Variants in DHRS4L2 observed in about 807,000 individuals in gnomAD.
DHRS4L2 encodes the protein dehydrogenase/reductase 4 like 2, also known as dehydrogenase/reductase SDR family member 4-like 2.
DHRS4L2 carries 22 observed loss-of-function variants against 23.9 expected under a neutral mutation model. The observed-to-expected ratio is 0.92, with a 90% CI of 0.66 to 1.31. The LOEUF (loss-of-function observed/expected upper bound fraction) is 1.31. DHRS4L2 is among the 40% of genes most tolerant of loss of function. DHRS4L2 has a pLI of 0.00. For synonymous variants in DHRS4L2, 141 were observed against 123.7 expected, an observed-to-expected ratio of 1.14 and a Z score of -0.93; for missense variants, 385 against 303.3, an observed-to-expected ratio of 1.27 and a Z score of -2.00.
chr14:23,986,507 TAA>T (rs33932387), upstream of DHRS4L2, among the ~76,000 whole-genome samples: 17 of 133,718 alleles, frequency 1.3e-4, 1 homozygote, highest in Admixed American at 2.2e-4. Context: ...TAAAGTATAA[TAA>T]AAAAAAAAAA....
rs566225364 is a variant in DHRS4L2 at position 23,995,915 on chromosome 14, C to T, written c.408+782C>T. Among the ~76,000 whole-genome samples the T allele has an allele frequency of 1.4e-3, 205 of 151,594 alleles. 1 individual carries two copies. Among genetic ancestry groups the T allele is most frequent in the Non-Finnish European group, 2.2e-3 (148 of 67,792 alleles). On this transcript the variant is annotated intron_variant, in intron 3 of 7. Coordinates refer to ENST00000335125, the MANE Select transcript of DHRS4L2 (RefSeq NM_198083.4). ...TGTTTTGCATTGCTATAAAGGAATA[C>T]CTGAGCTGGGCAATTTATAAAGAAA... is the stretch of plus-strand genomic sequence containing the variant.
intron 1 of DHRS4L2, 64 bp downstream of exon 1, chr14:23,989,139 C>T: frequency 6.5e-7 from 1 of 1,538,890 alleles, no homozygotes; most frequent in East Asian, 2.4e-5. Context: ...GGTGTCTCGT[C>T]CTTTGCCTCC....
intron 1 of DHRS4L2, among the ~76,000 whole-genome samples, chr14:23,973,665 T>C (rs1476256331): frequency 6.6e-6 from 1 of 151,830 alleles, no homozygotes; most frequent in Non-Finnish European, 1.5e-5. Flanking sequence ...GGCCATCACA[T>C]AATGGTAAGG....
intron 2 of DHRS4L2, among the ~76,000 whole-genome samples, chr14:23,991,565 G>C (rs1305772929): frequency 1.3e-5 from 2 of 151,672 alleles, no homozygotes; most frequent in Non-Finnish European, 2.9e-5. Flanking sequence ...GATGGGAATG[G>C]ACAGATGGAA....
At chr14:23,997,731 C>G (rs2034409535) in intron 3 of DHRS4L2, among the ~76,000 whole-genome samples, 1 of 150,984 alleles carries the variant, frequency 6.6e-6, no homozygotes, top group South Asian at 2.1e-4. Flanking sequence ...TTGCTATTTC[C>G]ACCACATCTG....
chr14:23,999,430 TA>T (rs1469135219), intron 3 of DHRS4L2, among the ~76,000 whole-genome samples: 1 of 150,490 alleles, frequency 6.6e-6, no homozygotes, highest in Non-Finnish European at 1.5e-5. Flanking sequence ...TTAATTTGTA[TA>T]TTTTTTAAAC....
At chr14:23,984,198 A>G (rs2034101050), upstream of DHRS4L2, among the ~76,000 whole-genome samples, 1 of 151,662 alleles carries the variant, frequency 6.6e-6, no homozygotes, top group Admixed American at 6.6e-5. Context: ...TTCTGGAAAG[A>G]TACACAAAGC....
At chr14:23,990,118 G>A (rs1430900487) in intron 1 of DHRS4L2, 64 bp from the exon 2 acceptor site, 5 of 1,597,000 alleles carry the variant, frequency 3.1e-6, no homozygotes, top group Non-Finnish European at 4.3e-6. Flanking sequence ...TAACTTCAGA[G>A]CCCATGCTGT....
At chr14:23,974,812 C>T (rs754400266) in intron 1 of DHRS4L2, among the ~76,000 whole-genome samples, 3 of 151,772 alleles carry the variant, frequency 2.0e-5, no homozygotes, top group Non-Finnish European at 4.4e-5. Flanking sequence ...CCGAATTCTA[C>T]CAGAGGTACA....
At chr14:23,987,056 A>C (rs765323796), upstream of DHRS4L2, among the ~76,000 whole-genome samples, 3 of 151,616 alleles carry the variant, frequency 2.0e-5, no homozygotes, top group Admixed American at 1.3e-4. Context: ...TGGCTGAGGA[A>C]AACACTAGAA....
chr14:23,970,211 C>A (rs1172503138), exon 1 of DHRS4L2: 1 of 454,524 alleles, frequency 2.2e-6, no homozygotes, highest in Non-Finnish European at 4.4e-6. Context: ...TCCGGCCCTG[C>A]ACCCCGGCCC....
chr14:23,997,106 T>A (rs997046853), intron 3 of DHRS4L2, among the ~76,000 whole-genome samples: 1 of 147,290 alleles, frequency 6.8e-6, no homozygotes, highest in Non-Finnish European at 1.5e-5. Flanking sequence ...TCACATGAAT[T>A]TTTTGGTTTC....
rs191649098 is a variant in DHRS4L2 at position 23,977,783 on chromosome 14, C to A, written c.-176+7451C>A. Among the ~76,000 whole-genome samples, 5 of 151,562 alleles carry A rather than the reference C, an allele frequency of 3.3e-5. No individual in the cohort carries two copies. In the East Asian group the frequency reaches 9.7e-4, roughly 29 times the overall value. The stretch of plus-strand genomic sequence containing the variant: ...ATGACCCTTGTTGTATATTAATTTC[C>A]CATTGTTGTCCTGCTTTGCTTAGAC... On this transcript the variant is annotated intron_variant, in intron 1 of 5. Coordinates refer to the DHRS4L2 transcript ENST00000534993.
intron 1 of DHRS4L2, among the ~76,000 whole-genome samples, chr14:23,970,860 C>T (rs996473369): frequency 1.3e-5 from 2 of 152,004 alleles, no homozygotes; most frequent in Non-Finnish European, 2.9e-5. Flanking sequence ...TTCCAGCAAA[C>T]CCCCAAAGAC....
At position 23,969,932 on chromosome 14, in the gene DHRS4L2, G is replaced by C. The variant is rs540289470; in HGVS notation, c.-576G>C. 2.4e-3 allele frequency: 1,069 copies of C among 450,678 alleles called. 1 individual carries two copies. The highest frequency in any genetic ancestry group is 0.014 in the South Asian group (889 of 64,114). The allele number at this position is 450,678 out of a possible 1,614,324, so 27.9% of individuals were successfully genotyped here. The stretch of plus-strand genomic sequence containing the variant: ...GGAGCCCGCGCTCCAAGGCCCGGTG[G>C]GGGGAGGGGCGCTCACGCAACCGCC... On this transcript the variant is annotated 5_prime_UTR_variant, in exon 1 of 6. Coordinates refer to the DHRS4L2 transcript ENST00000534993.
chr14:23,983,517 A>C (rs571457609), intron 1 of DHRS4L2, among the ~76,000 whole-genome samples: 2 of 151,712 alleles, frequency 1.3e-5, no homozygotes, highest in Non-Finnish European at 2.9e-5. Context: ...TTGACCCAGC[A>C]ATCCCATTAC....
At chr14:23,987,293 G>C (rs1455994033), upstream of DHRS4L2, 3 of 274,164 alleles carry the variant, frequency 1.1e-5, no homozygotes, top group East Asian at 4.8e-4. Context: ...ACCACGCCCG[G>C]CTAATTTTTT....
At chr14:23,977,424 G>GT (rs1342639070) in intron 1 of DHRS4L2, among the ~76,000 whole-genome samples, 1 of 151,674 alleles carries the variant, frequency 6.6e-6, no homozygotes, top group Non-Finnish European at 1.5e-5. Flanking sequence ...GACCTAAAGT[G>GT]TGTTACCATT....
intron 1 of DHRS4L2, among the ~76,000 whole-genome samples, chr14:23,970,685 C>T (rs1170178156): frequency 6.6e-6 from 1 of 152,058 alleles, no homozygotes; most frequent in Admixed American, 6.5e-5. Flanking sequence ...TCCCTGACCC[C>T]CATGTAGCTT....
Sources: gnomAD v4.1 joint callset for allele counts (sites outside exome capture counted in the v4.1 genomes callset) on GRCh38, gnomAD v4.1.1 for gene constraint, MANE v1.5 for transcripts, NCBI Gene and HGNC (gene_info 2026-07-23, HGNC 2026-07-21) for gene names.